PTPRD: variants seen among roughly 807,000 people sequenced by gnomAD.
The protein encoded by PTPRD is receptor-type tyrosine-protein phosphatase delta.
PTPRD carries 34 observed loss-of-function variants against 214.5 expected under a neutral mutation model. The ratio of observed to expected loss-of-function variants is 0.16; its 90% CI spans 0.12 to 0.21. The LOEUF (loss-of-function observed/expected upper bound fraction) is 0.21. Among genes scored for constraint, PTPRD ranks in the 10% least tolerant of loss-of-function variants. The pLI, the probability that PTPRD is intolerant of heterozygous loss-of-function variation, is 1.00. For missense variants in PTPRD, 2,545 were observed against 2,398.7 expected (o/e 1.06, Z -1.27); for synonymous variants, 1,128 against 845.7 (o/e 1.33, Z -5.79).
chr9:10,220,234 A>T (rs1019403987), intron 3 of PTPRD, among the ~76,000 whole-genome samples: 1 of 151,920 alleles, frequency 6.6e-6, no homozygotes, highest in African/African-American at 2.4e-5. Flanking sequence ...ATCTGTTTTT[A>T]AAATGATGAA....
At chr9:10,044,416 G>C (rs547058407) in intron 3 of PTPRD, among the ~76,000 whole-genome samples, 1 of 151,676 alleles carries the variant, frequency 6.6e-6, no homozygotes, top group Non-Finnish European at 1.5e-5. Context: ...TATGTTTTCA[G>C]ATGTAAAAAT....
At chr9:9,537,456 G>A (rs982294018) in intron 8 of PTPRD, among the ~76,000 whole-genome samples, 2 of 151,786 alleles carry the variant, frequency 1.3e-5, no homozygotes, top group Non-Finnish European at 2.9e-5. Context: ...TTTTCTTATC[G>A]TGGAGTTCCT....
chr9:8,981,804 T>G (rs1299112002), intron 11 of PTPRD, among the ~76,000 whole-genome samples: 1 of 152,068 alleles, frequency 6.6e-6, no homozygotes, highest in African/African-American at 2.4e-5. Context: ...TGTGATTATT[T>G]GGCTTTCTAA....
chr9:8,485,699 A>G, intron 28 of PTPRD, 63 bp downstream of exon 28: 1 of 1,397,254 alleles, frequency 7.2e-7, no homozygotes. Flanking sequence ...TAGCTTCAAA[A>G]TACTGATTTC....
chr9:10,302,326 A>C (rs907543527), intron 3 of PTPRD, among the ~76,000 whole-genome samples: 1 of 152,216 alleles, frequency 6.6e-6, no homozygotes, highest in African/African-American at 2.4e-5. Context: ...CAAATTGTAA[A>C]GACCATCGAC....
At chr9:8,416,781 C>G (rs1345640316) in intron 35 of PTPRD, among the ~76,000 whole-genome samples, 1 of 152,050 alleles carries the variant, frequency 6.6e-6, no homozygotes, top group African/African-American at 2.4e-5. Flanking sequence ...GGTGGATTAT[C>G]ACTACTTACA....
chr9:9,874,901 T>C (rs894185231), intron 5 of PTPRD, among the ~76,000 whole-genome samples: 1 of 152,134 alleles, frequency 6.6e-6, no homozygotes, highest in African/African-American at 2.4e-5. Flanking sequence ...TAAAATACTT[T>C]CCAGGATAAA....
intron 7 of PTPRD, among the ~76,000 whole-genome samples, chr9:9,654,839 G>A (rs984271331): frequency 1.3e-5 from 2 of 152,050 alleles, no homozygotes; most frequent in African/African-American, 4.8e-5. Flanking sequence ...TGATACTGAA[G>A]GCATCCCTAT....
At chr9:9,987,484 C>T (rs1025246002) in intron 4 of PTPRD, among the ~76,000 whole-genome samples, 21 of 152,066 alleles carry the variant, frequency 1.4e-4, no homozygotes, top group African/African-American at 5.1e-4. Flanking sequence ...TGCAGAGAAA[C>T]TCCTGTTTCT....
At chr9:9,806,952 C>G (rs1297972347) in intron 5 of PTPRD, among the ~76,000 whole-genome samples, 1 of 151,996 alleles carries the variant, frequency 6.6e-6, no homozygotes, top group Non-Finnish European at 1.5e-5. Context: ...CAGCCCACTC[C>G]AAAGGAAGAA....
At chr9:10,223,090 T>C (rs2099576717) in intron 3 of PTPRD, among the ~76,000 whole-genome samples, 1 of 151,990 alleles carries the variant, frequency 6.6e-6, no homozygotes, top group African/African-American at 2.4e-5. Context: ...TTTCATTGTT[T>C]CTGCTCTATT....
intron 3 of PTPRD, among the ~76,000 whole-genome samples, chr9:10,128,381 C>T (rs150727370): frequency 6.6e-6 from 1 of 152,112 alleles, no homozygotes; most frequent in Non-Finnish European, 1.5e-5. Context: ...CATTGGCATG[C>T]ACACAGGGAG....
chr9:8,842,971 C>G (rs531234557), intron 11 of PTPRD, among the ~76,000 whole-genome samples: 1 of 152,134 alleles, frequency 6.6e-6, no homozygotes, highest in Non-Finnish European at 1.5e-5. Flanking sequence ...CAGTCTACAC[C>G]TGTTGACCCA....
intron 8 of PTPRD, among the ~76,000 whole-genome samples, chr9:9,421,627 T>C (rs1358182394): frequency 2.6e-5 from 4 of 152,156 alleles, no homozygotes; most frequent in African/African-American, 9.6e-5. Context: ...TTTAATGTTC[T>C]ATTTTAATAG....
intron 11 of PTPRD, among the ~76,000 whole-genome samples, chr9:8,817,812 T>C (rs563422182): frequency 2.6e-5 from 4 of 152,236 alleles, no homozygotes; most frequent in Non-Finnish European, 4.4e-5. Flanking sequence ...CTTGGACTTC[T>C]TGGTAGAATT....
intron 2 of PTPRD, among the ~76,000 whole-genome samples, chr9:10,599,809 G>A (rs1031947597): frequency 6.6e-6 from 1 of 151,702 alleles, no homozygotes; most frequent in Non-Finnish European, 1.5e-5. Context: ...AATAACAGAA[G>A]AGCTTGATTA....
At chr9:8,596,785 C>A (rs966081912) in intron 14 of PTPRD, among the ~76,000 whole-genome samples, 8 of 152,046 alleles carry the variant, frequency 5.3e-5, no homozygotes, top group Non-Finnish European at 8.8e-5. Flanking sequence ...CAACACAAAG[C>A]AACAATATTG....
intron 9 of PTPRD, among the ~76,000 whole-genome samples, chr9:9,244,073 T>C (rs1243888189): frequency 1.3e-5 from 2 of 152,118 alleles, no homozygotes; most frequent in East Asian, 3.9e-4. Flanking sequence ...GGAATCCAAT[T>C]TGCAAGGGAT....
chr9:10,168,405 T>G (rs1384664578), intron 3 of PTPRD, among the ~76,000 whole-genome samples: 2 of 152,202 alleles, frequency 1.3e-5, no homozygotes, highest in Non-Finnish European at 2.9e-5. Flanking sequence ...CACTATTATC[T>G]GCAGCACAAT....
Sources: gnomAD v4.1 joint callset for allele counts (sites outside exome capture counted in the v4.1 genomes callset) on GRCh38, gnomAD v4.1.1 for gene constraint, MANE v1.5 for transcripts, NCBI Gene and HGNC (gene_info 2026-07-23, HGNC 2026-07-21) for gene names.